Variants in NOL4 observed in about 807,000 individuals in gnomAD.
The protein encoded by NOL4 is cancer/testis antigen 125.
NOL4 carries 17 observed loss-of-function variants against 75.9 expected under a neutral mutation model. The observed-to-expected ratio is 0.22, with a 90% CI of 0.15 to 0.34. NOL4 has a LOEUF of 0.34. Ranked by LOEUF, NOL4 falls within the 10% of genes least tolerant of loss-of-function variation. The pLI is 1.00. For missense variants in NOL4, 614 were observed against 793.5 expected, an observed-to-expected ratio of 0.77 and a Z score of 2.72; for synonymous variants, 292 against 289.9, an observed-to-expected ratio of 1.01 and a Z score of -0.07.
intron 9 of NOL4, among the ~76,000 whole-genome samples, chr18:33,910,472 C>T (rs533553476): frequency 6.6e-6 from 1 of 152,144 alleles, no homozygotes; most frequent in African/African-American, 2.4e-5. Context: ...CAGACATTCC[C>T]TCTCCCAGGG....
intron 1 of NOL4, among the ~76,000 whole-genome samples, chr18:34,158,379 C>CTGAG (rs1441922626): frequency 4.6e-5 from 7 of 152,252 alleles, no homozygotes; most frequent in South Asian, 2.1e-4. Context: ...TGCACCTGAG[C>CTGAG]TGAGTGTAAG....
chr18:33,957,805 A>G (rs1346336775), intron 7 of NOL4, among the ~76,000 whole-genome samples: 1 of 152,204 alleles, frequency 6.6e-6, no homozygotes, highest in Admixed American at 6.6e-5. Flanking sequence ...GACTGTGACA[A>G]TTGAGCACCC....
chr18:34,132,828 C>T (rs1011725567), intron 1 of NOL4, among the ~76,000 whole-genome samples: 2 of 150,666 alleles, frequency 1.3e-5, no homozygotes, highest in Non-Finnish European at 3.0e-5. Flanking sequence ...AGATAAAAGA[C>T]ACATCACATA....
chr18:34,151,152 C>T (rs961406006), intron 1 of NOL4, among the ~76,000 whole-genome samples: 3 of 151,792 alleles, frequency 2.0e-5, no homozygotes, highest in Non-Finnish European at 4.4e-5. Flanking sequence ...GAAAGTTTGG[C>T]ACTTTCTGAT....
chr18:33,886,464 G>A lies in NOL4; in HGVS notation c.1543-3040C>T, dbSNP rs200939123. On this transcript the variant is annotated intron_variant, in intron 9 of 10. Transcript: ENST00000261592. The stretch of plus-strand genomic sequence containing the variant: ...AATCACTTGAACCTAGGAGGCAGAG[G>A]TTGCAGTGAGCCAAGATCATGCCAC... 6.0e-5 allele frequency among the ~76,000 whole-genome samples: 9 copies of A among 150,698 alleles called. No homozygotes were observed. In the East Asian group the frequency reaches 1.4e-3, roughly 23 times the overall value.
intron 5 of NOL4, among the ~76,000 whole-genome samples, chr18:34,079,246 A>G (rs2077886191): frequency 6.6e-6 from 1 of 152,090 alleles, no homozygotes; most frequent in African/African-American, 2.4e-5. Flanking sequence ...CCCAACGAAG[A>G]GTAACTTTCG....
At chr18:34,201,324 T>G (rs1600862632) in intron 1 of NOL4, among the ~76,000 whole-genome samples, 1 of 151,980 alleles carries the variant, frequency 6.6e-6, no homozygotes, top group East Asian at 1.9e-4. Flanking sequence ...GTAGATAATC[T>G]GAGGCACAGA....
intron 5 of NOL4, chr18:34,048,559 CT>C (rs1162301862): frequency 7.1e-6 from 7 of 985,300 alleles, no homozygotes; most frequent in Non-Finnish European, 8.4e-6. Flanking sequence ...AGGGATTAGT[CT>C]GACTTCCCCT....
At chr18:34,099,133 C>A (rs1203887077) in intron 4 of NOL4, among the ~76,000 whole-genome samples, 1 of 151,828 alleles carries the variant, frequency 6.6e-6, no homozygotes, top group Admixed American at 6.6e-5. Context: ...GAGGCTGAGG[C>A]AGGTGGATCA....
chr18:33,982,901 C>A (rs1416393028), intron 6 of NOL4, among the ~76,000 whole-genome samples: 2 of 151,870 alleles, frequency 1.3e-5, no homozygotes, highest in Non-Finnish European at 2.9e-5. Context: ...CAGGCATGTA[C>A]CACCACACGT....
At chr18:33,962,114 C>G (rs1332787212) in intron 6 of NOL4, among the ~76,000 whole-genome samples, 1 of 152,100 alleles carries the variant, frequency 6.6e-6, no homozygotes, top group Non-Finnish European at 1.5e-5. Context: ...CAAGCTGAAT[C>G]CAGCAGAGCT....
chr18:34,057,077 C>A (rs1426099654), intron 5 of NOL4, among the ~76,000 whole-genome samples: 1 of 152,118 alleles, frequency 6.6e-6, no homozygotes, highest in Non-Finnish European at 1.5e-5. Context: ...GCTTAATGAA[C>A]CCTGACATGT....
At chr18:34,158,647 C>CAGGGGTGCTT (rs1487800292) in intron 1 of NOL4, 1 of 151,184 alleles carries the variant, frequency 6.6e-6, no homozygotes, top group Non-Finnish European at 1.5e-5. Context: ...GTGTTTATTT[C>CAGGGGTGCTT]AGGGGTGCTT....
chr18:33,964,226 G>T (rs1472722404), intron 6 of NOL4, among the ~76,000 whole-genome samples: 1 of 152,102 alleles, frequency 6.6e-6, no homozygotes, highest in African/African-American at 2.4e-5. Flanking sequence ...GTGAGTGACT[G>T]ATTACACTTT....
chr18:34,124,442 C>A (rs79025160), intron 2 of NOL4, among the ~76,000 whole-genome samples: 2,232 of 152,140 alleles, frequency 0.015, 15 homozygotes, highest in Middle Eastern at 0.034. Context: ...AAAATATACT[C>A]CAACATTTTT....
intron 5 of NOL4, among the ~76,000 whole-genome samples, chr18:34,076,468 T>C (rs2077750010): frequency 6.6e-6 from 1 of 152,204 alleles, no homozygotes; most frequent in South Asian, 2.1e-4. Context: ...GCCCATTAAC[T>C]GGACTGAGCA....
intron 5 of NOL4, among the ~76,000 whole-genome samples, chr18:34,066,384 T>C (rs929306809): frequency 2.0e-5 from 3 of 151,958 alleles, no homozygotes; most frequent in Non-Finnish European, 4.4e-5. Context: ...CTCTTAATTT[T>C]TCTGTGTCCA....
At chr18:33,979,785 C>A (rs904779138) in intron 6 of NOL4, among the ~76,000 whole-genome samples, 1 of 151,928 alleles carries the variant, frequency 6.6e-6, no homozygotes, top group African/African-American at 2.4e-5. Flanking sequence ...TAGTTTGCCA[C>A]AAACTTATGC....
At chr18:33,901,588 G>A (rs2065751705) in intron 9 of NOL4, among the ~76,000 whole-genome samples, 1 of 151,970 alleles carries the variant, frequency 6.6e-6, no homozygotes, top group Non-Finnish European at 1.5e-5. Flanking sequence ...AATTAAGAAA[G>A]GATTTTGATA....
Sources: gnomAD v4.1 joint callset for allele counts (sites outside exome capture counted in the v4.1 genomes callset) on GRCh38, gnomAD v4.1.1 for gene constraint, MANE v1.5 for transcripts, NCBI Gene and HGNC (gene_info 2026-07-23, HGNC 2026-07-21) for gene names.